Variants in CC2D2A observed in about 807,000 individuals in gnomAD.
CC2D2A encodes coiled-coil and C2 domain containing 2A.
Under a neutral mutation model 212.9 loss-of-function variants are expected in CC2D2A, and 155 were observed. That is an observed-to-expected ratio of 0.73 (90% CI 0.64 to 0.83). CC2D2A has a LOEUF of 0.83. Ranked by LOEUF, CC2D2A falls within the 40% of genes least tolerant of loss-of-function variation. The probability of loss-of-function intolerance (pLI) is 0.00; values close to 1 mark genes in which losing one functional copy is unlikely to be tolerated. For synonymous variants in CC2D2A, 667 were observed against 686.5 expected, an observed-to-expected ratio of 0.97 and a Z score of 0.44; for missense variants, 1,856 against 1,956.2, an observed-to-expected ratio of 0.95 and a Z score of 0.97.
At chr4:15,550,441 C>G (rs769018082) in intron 17 of CC2D2A, among the ~76,000 whole-genome samples, 6 of 152,198 alleles carry the variant, frequency 3.9e-5, no homozygotes, top group Non-Finnish European at 8.8e-5. Context: ...GGGGGCATGT[C>G]CTTACTGTCC....
At chr4:15,480,274 G>C (rs1379741492) in intron 3 of CC2D2A, among the ~76,000 whole-genome samples, 1 of 152,194 alleles carries the variant, frequency 6.6e-6, no homozygotes, top group East Asian at 1.9e-4. Context: ...TTCACTGAGA[G>C]TGTGGGGAAG....
chr4:15,590,484 C>T (rs539161222), intron 33 of CC2D2A, among the ~76,000 whole-genome samples: 1 of 152,272 alleles, frequency 6.6e-6, no homozygotes, highest in African/African-American at 2.4e-5. Flanking sequence ...CACTGCATTC[C>T]ATCCTGGGCA....
At chr4:15,588,659 A>G (rs536524473) in intron 32 of CC2D2A, among the ~76,000 whole-genome samples, 4 of 152,274 alleles carry the variant, frequency 2.6e-5, no homozygotes, top group South Asian at 4.1e-4. Flanking sequence ...TTCATTCTCC[A>G]TCATTATCTC....
chr4:15,570,069 A>G (rs963579044), intron 27 of CC2D2A, among the ~76,000 whole-genome samples: 2 of 152,028 alleles, frequency 1.3e-5, no homozygotes, highest in African/African-American at 2.4e-5. Context: ...GGAGAGGGAG[A>G]AGGAGCTAGT....
At chr4:15,489,698 C>G (rs1170624484) in intron 4 of CC2D2A, among the ~76,000 whole-genome samples, 1 of 152,196 alleles carries the variant, frequency 6.6e-6, no homozygotes, top group Non-Finnish European at 1.5e-5. Context: ...CACACTCCCA[C>G]CCATTTATTG....
chr4:15,582,002 G>A (rs926543740), intron 30 of CC2D2A, among the ~76,000 whole-genome samples: 1 of 152,058 alleles, frequency 6.6e-6, no homozygotes, highest in African/African-American at 2.4e-5. Flanking sequence ...TGAAGAATCA[G>A]GCCATAGTAA....
chr4:15,558,223 G>A (rs559539812), intron 21 of CC2D2A, among the ~76,000 whole-genome samples: 3 of 152,182 alleles, frequency 2.0e-5, no homozygotes, highest in Admixed American at 2.0e-4. Flanking sequence ...CAAGGTAAAT[G>A]GAGAGCCATC....
Position 15,515,972 on chromosome 4 carries a change from A to G in CC2D2A, c.985A>G (p.Ile329Val), listed in dbSNP as rs1716847681. The G allele has an allele frequency of 1.9e-6, 3 of 1,588,118 alleles. No individual in the cohort carries two copies. Among genetic ancestry groups the G allele is most frequent in the Non-Finnish European group, 2.6e-6 (3 of 1,166,824 alleles). The change falls in exon 10 of 37, where the codon ATC becomes GTC. Residue 329 changes from isoleucine (I) to valine (V), a missense_variant. This residue lies in a region of CC2D2A where 1,512 missense variants were observed against 1,579.3 expected (regional missense o/e 0.96). Coordinates refer to ENST00000424120, the MANE Select transcript of CC2D2A (RefSeq NM_001378615.1). ...RPEVARTNQN[I>V]MENRLLMQDP... is the part of the protein sequence containing the mutation. ...AGAGGTGGCACGCACCAATCAGAAC[A>G]TCATGGAGAACAGATTGCTGATGCA...
At chr4:15,511,110 C>A in intron 7 of CC2D2A, 137 bp from the exon 8 acceptor site, 1 of 976,306 alleles carries the variant, frequency 1.0e-6, no homozygotes. Flanking sequence ...AGTCTCACAC[C>A]TTTAACTAAG....
chr4:15,569,207 G>T (rs1428731105), intron 26 of CC2D2A, 86 bp from the exon 27 acceptor site: 2 of 711,958 alleles, frequency 2.8e-6, no homozygotes, highest in Non-Finnish European at 5.0e-6. Context: ...GCTCATATTT[G>T]GGTATTTTTC....
chr4:15,487,352 T>G (rs1177109345), intron 4 of CC2D2A, among the ~76,000 whole-genome samples: 1 of 152,146 alleles, frequency 6.6e-6, no homozygotes, highest in East Asian at 1.9e-4. Flanking sequence ...TTTACAAGTA[T>G]TATATCCTCT....
chr4:15,571,960 C>T (rs1720188886), intron 28 of CC2D2A, among the ~76,000 whole-genome samples: 1 of 152,162 alleles, frequency 6.6e-6, no homozygotes, highest in Admixed American at 6.6e-5. Flanking sequence ...CTAAAACCCA[C>T]TACCTTCTGA....
In CC2D2A at chr4:15,480,686, C is replaced by T. The variant is rs1162714204; in HGVS notation, c.124-18C>T. The T allele has an allele frequency of 1.2e-6, 2 of 1,604,862 alleles. No individual in the cohort carries two copies. Among genetic ancestry groups the T allele is most frequent in the East Asian group, 2.2e-5 (1 of 44,454 alleles). On this transcript the variant is annotated intron_variant, in intron 3 of 36. Coordinates refer to ENST00000424120, the MANE Select transcript of CC2D2A (RefSeq NM_001378615.1). ...TAAAGTCCTGGGAGTCTCTGAACCT[C>T]TGACCTTCTTCCTCCAGCCACCAAC...
rs897897169 is a variant in CC2D2A, at chr4:15,557,354, G to T, written c.2676G>T (p.Gln892His). 1 of 1,613,692 alleles carries T rather than the reference G, an allele frequency of 6.2e-7. No homozygotes were observed. The highest frequency in any genetic ancestry group is 8.5e-7 in the Non-Finnish European group (1 of 1,179,730). Residue 892 changes from glutamine (Q) to histidine (H), a missense_variant, in exon 21 of 37, where the codon CAG (glutamine) becomes CAT (histidine). Transcript: ENST00000424120. ...TCCCTGATTTCTTTAGACTGGAGCA[G>T]CTGCAACAGGAGTTTAACTTTGTTT... ...SYVPDFFRLEQLQQEFNFVSD... is the reference protein window; with the variant it reads ...SYVPDFFRLEHLQQEFNFVSD...
chr4:15,577,168 AT>A (rs376107114), intron 29 of CC2D2A, among the ~76,000 whole-genome samples: 1 of 151,562 alleles, frequency 6.6e-6, no homozygotes, highest in South Asian at 2.1e-4. Context: ...AATTTTGTTT[AT>A]TTTTTTTGTA....
chr4:15,516,490 T>C, intron 10 of CC2D2A, 135 bp from the exon 11 acceptor site: 1 of 760,284 alleles, frequency 1.3e-6, no homozygotes. Flanking sequence ...ACAGAACTTT[T>C]ACAGTTCTGT....
chr4:15,547,810 C>T (rs1487455489), intron 17 of CC2D2A, among the ~76,000 whole-genome samples: 5 of 152,068 alleles, frequency 3.3e-5, no homozygotes, highest in South Asian at 4.1e-4. Flanking sequence ...GAGGTCATGG[C>T]GGGTGGATCA....
Position 15,538,062 on chromosome 4 carries a change from G to A in CC2D2A, c.1928G>A (p.Arg643Lys), listed in dbSNP as rs1194404460. The A allele has an allele frequency of 1.2e-6, 2 of 1,607,386 alleles. No individual in the cohort carries two copies. The highest frequency in any genetic ancestry group is 3.4e-5 in the Admixed American group (2 of 59,108). The part of the protein sequence containing the change: ...EVRERAAQSR[R>K]RPWEPTLVPE... ...AGGGAGAGAGCAGCCCAGAGCAGGAGGAGGCCTTGGGAGCCCACGCTGGTC... is the reference window on the plus strand; with the variant it reads ...AGGGAGAGAGCAGCCCAGAGCAGGAAGAGGCCTTGGGAGCCCACGCTGGTC... Residue 643 changes from arginine (R) to lysine (K), a missense_variant, in exon 16 of 37, where the codon AGG (arginine) becomes AAG (lysine). Physicochemically the swap from Arg to Lys is conservative, Grantham distance 26. Transcript: ENST00000424120.
At chr4:15,558,208 C>T (rs1719387273) in intron 21 of CC2D2A, among the ~76,000 whole-genome samples, 1 of 152,014 alleles carries the variant, frequency 6.6e-6, no homozygotes, top group South Asian at 2.1e-4. Flanking sequence ...TTTATTAATA[C>T]TTAACAAGGT....
Sources: allele counts gnomAD v4.1 joint callset (sites outside exome capture counted in the v4.1 genomes callset), GRCh38; gene constraint gnomAD v4.1.1; regional missense constraint gnomAD v4.1.1; transcripts MANE v1.5; gene names NCBI Gene and HGNC (gene_info 2026-07-23, HGNC 2026-07-21).